Variants in GUCY1A2 observed in about 807,000 individuals in gnomAD.
The protein encoded by GUCY1A2 is guanylate cyclase 1 soluble subunit alpha 2.
GUCY1A2 carries 27 observed loss-of-function variants against 63.5 expected under a neutral mutation model. That is an observed-to-expected ratio of 0.43 (90% CI 0.31 to 0.59). The LOEUF (loss-of-function observed/expected upper bound fraction) is 0.59, where lower values mean the gene tolerates loss of function less well. GUCY1A2 is among the 20% of genes least tolerant of loss of function. The pLI, the probability that GUCY1A2 is intolerant of heterozygous loss-of-function variation, is 0.11. For missense variants in GUCY1A2, 768 were observed against 913.3 expected (o/e 0.84, Z 2.05); for synonymous variants, 364 against 343.5 (o/e 1.06, Z -0.66).
chr11:106,978,873 A>G, intron 2 of GUCY1A2, 133 bp from the exon 3 acceptor site: 1 of 617,828 alleles, frequency 1.6e-6, no homozygotes, highest in South Asian at 2.2e-5. Flanking sequence ...TGAAGCTTTG[A>G]GACATAATTC....
At chr11:106,832,404 A>T (rs1239312409) in intron 4 of GUCY1A2, among the ~76,000 whole-genome samples, 1 of 152,172 alleles carries the variant, frequency 6.6e-6, no homozygotes, top group Non-Finnish European at 1.5e-5. Flanking sequence ...TGTTTATTTT[A>T]ACATTTAAAA....
At chr11:106,756,949 C>G (rs1037696500) in intron 6 of GUCY1A2, among the ~76,000 whole-genome samples, 3 of 152,198 alleles carry the variant, frequency 2.0e-5, no homozygotes, top group African/African-American at 7.2e-5. Flanking sequence ...TGTTTTCTAA[C>G]TGGATTCCAT....
Position 106,864,285 on chromosome 11 carries a change from C to T in GUCY1A2, c.1207-53807G>A, listed in dbSNP as rs570973553. 5.2e-4 allele frequency among the ~76,000 whole-genome samples: 79 copies of T among 151,878 alleles called. 2 individuals carry two copies. In the South Asian group the frequency reaches 0.016, roughly 31 times the overall value. ...CTACCCAGGACTTTTTTTAAAAACT[C>T]GTATGGCAATTATTATATAATTTAT... On this transcript the variant is annotated intron_variant, in intron 4 of 7. Coordinates refer to ENST00000526355, the MANE Select transcript of GUCY1A2 (RefSeq NM_000855.3).
At chr11:106,981,251 A>C (rs1861331058) in intron 2 of GUCY1A2, among the ~76,000 whole-genome samples, 1 of 152,190 alleles carries the variant, frequency 6.6e-6, no homozygotes, top group Non-Finnish European at 1.5e-5. Flanking sequence ...ACCCATTCTT[A>C]ATTTCACTCT....
At chr11:106,779,283 G>A (rs1864417114) in intron 5 of GUCY1A2, among the ~76,000 whole-genome samples, 2 of 152,188 alleles carry the variant, frequency 1.3e-5, no homozygotes, top group Admixed American at 6.5e-5. Flanking sequence ...GTTGGCAAAA[G>A]TTTTATTCCA....
chr11:106,843,884 T>A (rs926345026), intron 4 of GUCY1A2, among the ~76,000 whole-genome samples: 7 of 152,002 alleles, frequency 4.6e-5, no homozygotes, highest in Admixed American at 1.3e-4. Flanking sequence ...CTATTTATTA[T>A]GACAAAGGTT....
intron 1 of GUCY1A2, among the ~76,000 whole-genome samples, chr11:107,004,753 G>A (rs1861651277): frequency 6.6e-6 from 1 of 152,220 alleles, no homozygotes. Flanking sequence ...ACTGTCTGAT[G>A]AGGTGACACT....
At position 106,681,341 on chromosome 11, in the gene GUCY1A2, C is replaced by A; in HGVS notation, c.*6208G>T. 1 of 226,164 alleles carries A rather than the reference C, an allele frequency of 4.4e-6. No individual in the cohort carries two copies. Among genetic ancestry groups the A allele is most frequent in the East Asian group, 6.3e-5 (1 of 15,814 alleles). 14.0% of individuals were successfully genotyped at this position (226,164 alleles called of 1,614,324 possible). A position where few individuals can be genotyped will look rare whatever the true frequency, so the allele number is the denominator to read the frequency against. ...TGAATAAATCTGCCGCAAGACCCAT[C>A]TATATTTTTGCAAAGCCTACTTTCT... On this transcript the variant is annotated 3_prime_UTR_variant, in exon 8 of 8. Transcript: ENST00000526355.
At chr11:106,703,625 A>C (rs1442337154) in intron 7 of GUCY1A2, among the ~76,000 whole-genome samples, 2 of 152,172 alleles carry the variant, frequency 1.3e-5, no homozygotes, top group Non-Finnish European at 2.9e-5. Flanking sequence ...CAAAGAATGA[A>C]GGCCTCATGA....
rs1052251542 is a variant in GUCY1A2, at chr11:107,018,465, G to A, written c.-410C>T. 1.3e-5 allele frequency: 2 copies of A among 151,196 alleles called. No individual in the cohort carries two copies. The highest frequency in any genetic ancestry group is 4.8e-5 in the African/African-American group (2 of 41,348). 9.4% of individuals were successfully genotyped at this position (151,196 alleles called of 1,614,324 possible). A position where few individuals can be genotyped will look rare whatever the true frequency, so the allele number is the denominator to read the frequency against. ...GGCCCAAGCAGAAGGGGAGGCAGAG[G>A]CAGAGGCTTCTGCCGCCTGCGCGCC... On this transcript the variant is annotated 5_prime_UTR_variant, in exon 1 of 8. Transcript: ENST00000526355.
chr11:106,931,777 A>C (rs371708142), intron 4 of GUCY1A2, among the ~76,000 whole-genome samples: 5 of 152,208 alleles, frequency 3.3e-5, no homozygotes, highest in East Asian at 1.9e-4. Context: ...TGAGTAGAAG[A>C]AGCAAATCTA....
In GUCY1A2 at chr11:106,897,245, C is replaced by A. The variant is rs560435344; in HGVS notation, c.1206+42215G>T. Among the ~76,000 whole-genome samples, 97 of 152,092 alleles carry A rather than the reference C, an allele frequency of 6.4e-4. 5 individuals are homozygous for A. In the South Asian group the frequency reaches 0.02, roughly 31 times the overall value. On this transcript the variant is annotated intron_variant, in intron 4 of 7. Transcript: ENST00000526355. ...GTCTATGTTCATAAATAGAAAGATACAATATTATCACAATATTAGTTCTTC... is the reference window on the plus strand; with the variant it reads ...GTCTATGTTCATAAATAGAAAGATAAAATATTATCACAATATTAGTTCTTC...
At position 106,675,454 on chromosome 11, in the gene GUCY1A2, T is replaced by A. The variant is rs1862329768; in HGVS notation, c.*12095A>T. On this transcript the variant is annotated 3_prime_UTR_variant, in exon 8 of 8. Coordinates refer to ENST00000526355, the MANE Select transcript of GUCY1A2 (RefSeq NM_000855.3). ...CGGAATAATTTTTGCTCCAAATTCTTAAAGGAGACAATGAATTAGTAGCTT... is the reference window on the plus strand; with the variant it reads ...CGGAATAATTTTTGCTCCAAATTCTAAAAGGAGACAATGAATTAGTAGCTT... 1 of 201,398 alleles carries A rather than the reference T, an allele frequency of 5.0e-6. No homozygotes were observed. Among genetic ancestry groups the A allele is most frequent in the South Asian group, 1.9e-4 (1 of 5,262 alleles). The allele number at this position is 201,398 out of a possible 1,614,324, so 12.5% of individuals were successfully genotyped here.
chr11:106,788,393 T>A (rs1430948460), intron 5 of GUCY1A2, among the ~76,000 whole-genome samples: 1 of 152,184 alleles, frequency 6.6e-6, no homozygotes, highest in Non-Finnish European at 1.5e-5. Flanking sequence ...TTTAACTTGA[T>A]GTGATCCCAT....
intron 1 of GUCY1A2, among the ~76,000 whole-genome samples, chr11:107,008,719 G>A (rs1861705232): frequency 6.6e-6 from 1 of 152,182 alleles, no homozygotes; most frequent in African/African-American, 2.4e-5. Context: ...TCCCATAATG[G>A]AGATGTGAGT....
At chr11:106,778,933 C>CATAA (rs71470835) in intron 5 of GUCY1A2, among the ~76,000 whole-genome samples, 51,265 of 151,562 alleles carry the variant, frequency 0.34, 8,791 homozygotes, top group Admixed American at 0.42. Flanking sequence ...ATGCTTCCAG[C>CATAA]ATAAATATAC....
At chr11:106,786,260 A>G (rs1864554607) in intron 5 of GUCY1A2, among the ~76,000 whole-genome samples, 1 of 152,124 alleles carries the variant, frequency 6.6e-6, no homozygotes, top group African/African-American at 2.4e-5. Context: ...CAGCCTCTTC[A>G]TTCTTTCTTT....
chr11:106,945,967 A>AAAACAAAC (rs757093940), intron 3 of GUCY1A2, among the ~76,000 whole-genome samples: 2 of 152,320 alleles, frequency 1.3e-5, no homozygotes, highest in South Asian at 2.1e-4. Flanking sequence ...CCCATCTCAA[A>AAAACAAAC]AAACAAACAA....
At chr11:106,697,988 C>T (rs992881559) in intron 7 of GUCY1A2, among the ~76,000 whole-genome samples, 1 of 152,100 alleles carries the variant, frequency 6.6e-6, no homozygotes, top group Non-Finnish European at 1.5e-5. Flanking sequence ...TGTGGAACAT[C>T]ACTTCCAAGT....
Sources: allele counts gnomAD v4.1 joint callset (sites outside exome capture counted in the v4.1 genomes callset), GRCh38; gene constraint gnomAD v4.1.1; transcripts MANE v1.5; gene names NCBI Gene and HGNC (gene_info 2026-07-23, HGNC 2026-07-21).